Variants in ROBO1 observed in about 807,000 individuals in gnomAD.
ROBO1 encodes the protein roundabout guidance receptor 1.
In ROBO1, 149 loss-of-function variants were observed where a neutral mutation model predicts 195.9. That is an observed-to-expected ratio of 0.76 (90% CI 0.67 to 0.87). The LOEUF is 0.87. ROBO1 is among the 40% of genes least tolerant of loss of function. The pLI is 0.00. For synonymous variants in ROBO1, 816 were observed against 733.2 expected (o/e 1.11, Z -1.82); for missense variants, 1,933 against 2,068.3 (o/e 0.93, Z 1.27).
chr3:78,633,338 A>C (rs1178006274), intron 24 of ROBO1, among the ~76,000 whole-genome samples: 2 of 152,204 alleles, frequency 1.3e-5, no homozygotes, highest in Admixed American at 6.5e-5. Context: ...AACAGCTGGC[A>C]AACAGCTGTA....
At chr3:79,270,181 C>T (rs919033929) in intron 2 of ROBO1, among the ~76,000 whole-genome samples, 2 of 38,528 alleles carry the variant, frequency 5.2e-5, no homozygotes, top group Non-Finnish European at 8.4e-5. Context: ...ACATAATGTT[C>T]TCTCTCTCTC....
rs544573701 is a variant in ROBO1, at chr3:79,449,349, C to A, written c.88+140475G>T. Among the ~76,000 whole-genome samples, 54 of 151,462 alleles carry A rather than the reference C, an allele frequency of 3.6e-4. 1 individual carries two copies. The South Asian group carries it at 7.3e-3, about 20-fold the overall frequency. ...AAATATTTTATGAAATTGAAAAAAACACCAAAATGAGTTCTCTGATTTATA... is the reference window on the plus strand; with the variant it reads ...AAATATTTTATGAAATTGAAAAAAAAACCAAAATGAGTTCTCTGATTTATA... On this transcript the variant is annotated intron_variant, in intron 2 of 30. Coordinates refer to ENST00000464233, the MANE Select transcript of ROBO1 (RefSeq NM_002941.4).
chr3:78,762,261 AT>A (rs2083124451), intron 4 of ROBO1, among the ~76,000 whole-genome samples: 1 of 152,100 alleles, frequency 6.6e-6, no homozygotes, highest in Non-Finnish European at 1.5e-5. Context: ...GCTTACAGAC[AT>A]CATGGAGTAA....
intron 4 of ROBO1, among the ~76,000 whole-genome samples, chr3:78,903,993 T>G (rs1404522407): frequency 6.6e-6 from 1 of 152,062 alleles, no homozygotes; most frequent in South Asian, 2.1e-4. Context: ...CTCAGAACAC[T>G]GTTGTAGGAA....
intron 3 of ROBO1, among the ~76,000 whole-genome samples, chr3:78,978,499 C>T (rs1046671577): frequency 6.6e-6 from 1 of 151,982 alleles, no homozygotes. Context: ...CAGTATTGCC[C>T]ATATTATCCC....
At chr3:78,926,022 C>T (rs1299588261) in intron 4 of ROBO1, among the ~76,000 whole-genome samples, 1 of 152,078 alleles carries the variant, frequency 6.6e-6, no homozygotes, top group Non-Finnish European at 1.5e-5. Flanking sequence ...AGATGCCCAC[C>T]CCCACACATG....
intron 4 of ROBO1, among the ~76,000 whole-genome samples, chr3:78,794,688 C>T (rs1426320043): frequency 6.6e-6 from 1 of 152,118 alleles, no homozygotes; most frequent in Non-Finnish European, 1.5e-5. Flanking sequence ...TGGATTCTCC[C>T]ACCTCAGCCA....
intron 2 of ROBO1, among the ~76,000 whole-genome samples, chr3:79,163,239 A>G (rs1006718478): frequency 3.3e-5 from 5 of 152,082 alleles, no homozygotes; most frequent in African/African-American, 1.2e-4. Context: ...GGCTTTGACT[A>G]TTCTACCTAC....
At chr3:79,666,181 C>CT (rs1347027265) in intron 1 of ROBO1, among the ~76,000 whole-genome samples, 5 of 151,838 alleles carry the variant, frequency 3.3e-5, no homozygotes, top group African/African-American at 1.2e-4. Context: ...CTGAGAATGG[C>CT]TAGCACAAAC....
chr3:79,454,092 G>T, intron 2 of ROBO1, among the ~76,000 whole-genome samples: 1 of 149,128 alleles, frequency 6.7e-6, no homozygotes. Flanking sequence ...AAAATTAGGT[G>T]TTTTGGTGAG....
chr3:79,196,374 G>A (rs1213797720), intron 2 of ROBO1, among the ~76,000 whole-genome samples: 2 of 145,976 alleles, frequency 1.4e-5, no homozygotes, highest in African/African-American at 5.0e-5. Flanking sequence ...ACATGCACAC[G>A]CACCAAGAGA....
At chr3:78,905,709 TATA>T (rs1330668863) in intron 4 of ROBO1, among the ~76,000 whole-genome samples, 1 of 152,082 alleles carries the variant, frequency 6.6e-6, no homozygotes, top group Non-Finnish European at 1.5e-5. Flanking sequence ...CACATTCACA[TATA>T]ATAATATAAT....
intron 1 of ROBO1, among the ~76,000 whole-genome samples, chr3:79,733,961 T>C (rs1296319483): frequency 6.6e-6 from 1 of 151,724 alleles, no homozygotes; most frequent in East Asian, 1.9e-4. Context: ...TCTTTTTTTT[T>C]TTTTTTTGAC....
In ROBO1 at chr3:79,685,568, T is replaced by G. The variant is rs141438456; in HGVS notation, c.-51+82184A>C. The stretch of plus-strand genomic sequence containing the variant: ...ATAATGATAAGCATATGGGTGCAGG[T>G]TTCCAGAAAACTGCCAAACAGGGCA... On this transcript the variant is annotated intron_variant, in intron 1 of 30. Transcript: ENST00000464233. 9.3e-3 allele frequency among the ~76,000 whole-genome samples: 1,420 copies of G among 152,224 alleles called. 11 individuals are homozygous for G. Among genetic ancestry groups the G allele is most frequent in the Middle Eastern group, 0.034 (10 of 294 alleles).
intron 2 of ROBO1, among the ~76,000 whole-genome samples, chr3:79,346,686 A>T (rs2109246747): frequency 6.6e-6 from 1 of 152,136 alleles, no homozygotes; most frequent in East Asian, 1.9e-4. Flanking sequence ...TGAATTTTCT[A>T]ATAAAAGTTT....
intron 4 of ROBO1, among the ~76,000 whole-genome samples, chr3:78,803,476 T>C (rs1448260505): frequency 6.6e-6 from 1 of 152,148 alleles, no homozygotes; most frequent in Non-Finnish European, 1.5e-5. Context: ...ATTCGAGGCA[T>C]GAATAACTCT....
At chr3:79,520,408 A>C (rs6548628) in intron 2 of ROBO1, among the ~76,000 whole-genome samples, 73,680 of 151,912 alleles carry the variant, frequency 0.49, 17,939 homozygotes, top group Non-Finnish European at 0.51. Context: ...CTAGAGTACA[A>C]ATTTTCTGGC....
intron 4 of ROBO1, among the ~76,000 whole-genome samples, chr3:78,785,384 C>G (rs1435543103): frequency 6.6e-6 from 1 of 152,164 alleles, no homozygotes; most frequent in East Asian, 1.9e-4. Flanking sequence ...AGGCTCCTAG[C>G]TCTCAACTTA....
intron 2 of ROBO1, among the ~76,000 whole-genome samples, chr3:79,194,275 T>C (rs1018128181): frequency 5.3e-5 from 8 of 151,710 alleles, no homozygotes; most frequent in African/African-American, 1.4e-4. Context: ...AAACATTGTA[T>C]GTACTGTTGC....
Sources: gnomAD v4.1 joint callset for allele counts (sites outside exome capture counted in the v4.1 genomes callset) on GRCh38, gnomAD v4.1.1 for gene constraint, MANE v1.5 for transcripts, NCBI Gene and HGNC (gene_info 2026-07-23, HGNC 2026-07-21) for gene names.